The following CPEB3 variants were observed in gnomAD, a reference collection of about 807,000 sequenced individuals.
CPEB3 encodes the protein cytoplasmic polyadenylation element binding protein 3.
Under a neutral mutation model 67.2 loss-of-function variants are expected in CPEB3, and 20 were observed. The ratio of observed to expected loss-of-function variants is 0.30; its 90% CI spans 0.21 to 0.43. CPEB3 has a LOEUF of 0.43. CPEB3 is among the 20% of genes least tolerant of loss of function. The pLI, the probability that CPEB3 is intolerant of heterozygous loss-of-function variation, is 1.00. For missense variants in CPEB3, 746 were observed against 968.6 expected, an observed-to-expected ratio of 0.77 and a Z score of 3.05; for synonymous variants, 376 against 393.1, an observed-to-expected ratio of 0.96 and a Z score of 0.51.
chr10:92,135,451 C>T (rs2133759479), intron 6 of CPEB3, among the ~76,000 whole-genome samples: 1 of 152,270 alleles, frequency 6.6e-6, no homozygotes, highest in East Asian at 1.9e-4. Context: ...CAAATCAAAA[C>T]CACAATGAGA....
chr10:92,104,625 A>G (rs1223392944), intron 7 of CPEB3, among the ~76,000 whole-genome samples: 8 of 151,766 alleles, frequency 5.3e-5, no homozygotes, highest in African/African-American at 2.4e-5. Context: ...CTGACCTCAT[A>G]ATCCGCCCGC....
At chr10:92,233,324 T>A (rs1438020996) in intron 2 of CPEB3, among the ~76,000 whole-genome samples, 2 of 150,650 alleles carry the variant, frequency 1.3e-5, no homozygotes, top group African/African-American at 4.9e-5. Context: ...AGGTCAGGAG[T>A]TCAAAACTAG....
intron 9 of CPEB3, among the ~76,000 whole-genome samples, chr10:92,064,730 A>G (rs965289055): frequency 2.0e-5 from 3 of 152,192 alleles, no homozygotes; most frequent in Non-Finnish European, 4.4e-5. Flanking sequence ...ATGATTCACA[A>G]TAGAGACATC....
intron 7 of CPEB3, among the ~76,000 whole-genome samples, chr10:92,098,355 C>CTGGAG (rs940805768): frequency 7.2e-5 from 11 of 151,772 alleles, no homozygotes; most frequent in African/African-American, 2.7e-4. Context: ...GTTGCCCAGG[C>CTGGAG]TGGAGTGCAA....
At chr10:92,077,043 A>G in intron 9 of CPEB3, among the ~76,000 whole-genome samples, 1 of 152,172 alleles carries the variant, frequency 6.6e-6, no homozygotes. Flanking sequence ...ATATGAGACT[A>G]CTACTAAAAA....
chr10:92,090,933 A>G (rs1024780304), intron 8 of CPEB3, among the ~76,000 whole-genome samples: 2 of 152,252 alleles, frequency 1.3e-5, no homozygotes, highest in African/African-American at 4.8e-5. Flanking sequence ...AAGTTCTTCA[A>G]AATGAAATTA....
chr10:92,094,779 CCT>C (rs1843779856), intron 7 of CPEB3, among the ~76,000 whole-genome samples: 1 of 150,898 alleles, frequency 6.6e-6, no homozygotes, highest in Non-Finnish European at 1.5e-5. Flanking sequence ...ACAATAATTT[CCT>C]GACACTGTGA....
At chr10:92,271,048 G>T (rs1853286715) in intron 1 of CPEB3, among the ~76,000 whole-genome samples, 1 of 151,994 alleles carries the variant, frequency 6.6e-6, no homozygotes, top group African/African-American at 2.4e-5. Context: ...ATGGTGGCAG[G>T]CACCTGTAGT....
At chr10:92,175,890 G>A (rs889495035) in intron 4 of CPEB3, among the ~76,000 whole-genome samples, 2 of 152,198 alleles carry the variant, frequency 1.3e-5, no homozygotes, top group Non-Finnish European at 1.5e-5. Context: ...AAGAGTTCGA[G>A]ACCAGCCTGG....
intron 3 of CPEB3, among the ~76,000 whole-genome samples, chr10:92,192,236 G>A (rs1032330236): frequency 6.6e-6 from 1 of 152,036 alleles, no homozygotes; most frequent in South Asian, 2.1e-4. Flanking sequence ...CTCATAATGT[G>A]ACTAACCTCA....
At chr10:92,072,892 C>T (rs1842801310) in intron 9 of CPEB3, among the ~76,000 whole-genome samples, 1 of 152,098 alleles carries the variant, frequency 6.6e-6, no homozygotes, top group Non-Finnish European at 1.5e-5. Context: ...GAGTATCATA[C>T]AACATTGACA....
chr10:92,180,796 C>T (rs1030579590), intron 4 of CPEB3, among the ~76,000 whole-genome samples, 167 bp downstream of exon 4: 4 of 152,186 alleles, frequency 2.6e-5, no homozygotes, highest in Admixed American at 2.6e-4. Flanking sequence ...CCAAGCAATG[C>T]TGATGCTGCT....
chr10:92,209,368 T>C (rs548020842), intron 2 of CPEB3, among the ~76,000 whole-genome samples: 2 of 151,894 alleles, frequency 1.3e-5, no homozygotes, highest in Non-Finnish European at 2.9e-5. Context: ...CTACCAAAAA[T>C]ACAAAAATTA....
At chr10:92,193,515 T>C (rs931204906) in intron 2 of CPEB3, among the ~76,000 whole-genome samples, 3 of 151,720 alleles carry the variant, frequency 2.0e-5, no homozygotes, top group Non-Finnish European at 4.4e-5. Flanking sequence ...TGAAGTACAG[T>C]GGTGCAATCA....
chr10:92,286,053 G>C (rs190514921), intron 1 of CPEB3, among the ~76,000 whole-genome samples: 6 of 150,338 alleles, frequency 4.0e-5, no homozygotes, highest in African/African-American at 7.4e-5. Context: ...CTCCAGCCTT[G>C]GCCTCCCGAG....
chr10:92,191,899 T>C (rs571975422), intron 3 of CPEB3, among the ~76,000 whole-genome samples: 1 of 152,182 alleles, frequency 6.6e-6, no homozygotes, highest in Non-Finnish European at 1.5e-5. Flanking sequence ...ATTGCTAACT[T>C]TGAGACTTTC....
At position 92,067,067 on chromosome 10, in the gene CPEB3, A is replaced by G. The variant is rs1008543328; in HGVS notation, c.1869+14253T>C. Among the ~76,000 whole-genome samples the G allele has an allele frequency of 4.0e-5, 6 of 151,460 alleles. No homozygotes were observed. The East Asian group carries it at 9.7e-4, about 24-fold the overall frequency. On this transcript the variant is annotated intron_variant, in intron 9 of 9. Coordinates refer to ENST00000265997, the MANE Select transcript of CPEB3 (RefSeq NM_014912.5). ...TCCATCTCAAAAAATAAATAAAAAT[A>G]AAAATAATAAATAAATTTATTTTTT...
intron 1 of CPEB3, among the ~76,000 whole-genome samples, chr10:92,289,732 A>AAAAAAAAAATAT: frequency 1.7e-4 from 13 of 75,764 alleles, no homozygotes; most frequent in East Asian, 2.9e-4. Context: ...AAAAAAAAAA[A>AAAAAAAAAATAT]ATATATATAT....
At chr10:92,066,419 A>G (rs780758467) in intron 9 of CPEB3, among the ~76,000 whole-genome samples, 15 of 152,186 alleles carry the variant, frequency 9.9e-5, no homozygotes, top group Non-Finnish European at 1.8e-4. Context: ...AGATAAATAA[A>G]TAAGTAAATA....
Sources: allele counts gnomAD v4.1 joint callset (sites outside exome capture counted in the v4.1 genomes callset), GRCh38; gene constraint gnomAD v4.1.1; transcripts MANE v1.5; gene names NCBI Gene and HGNC (gene_info 2026-07-23, HGNC 2026-07-21).